The following USP7 variants were observed in gnomAD, a reference collection of about 807,000 sequenced individuals.
USP7 encodes the protein ubiquitin C-terminal hydrolase 7.
USP7 carries 9 observed loss-of-function variants against 162.9 expected under a neutral mutation model. The observed-to-expected ratio is 0.06, with a 90% CI of 0.03 to 0.10. The LOEUF is 0.10. USP7 is among the 10% of genes least tolerant of loss of function. USP7 has a pLI of 1.00. For synonymous variants in USP7, 562 were observed against 475.9 expected (o/e 1.18, Z -2.35); for missense variants, 715 against 1,373.7 (o/e 0.52, Z 7.58).
chr16:8,934,860 T>G (rs1898597150), intron 1 of USP7, among the ~76,000 whole-genome samples: 2 of 152,300 alleles, frequency 1.3e-5, no homozygotes, highest in South Asian at 4.1e-4. Context: ...CCAGCCCAGC[T>G]CCCAGGGGCA....
Position 8,963,136 on chromosome 16 carries a change from G to T in USP7, c.79+71C>A, listed in dbSNP as rs1900088688. 6.2e-6 allele frequency: 8 copies of T among 1,293,722 alleles called. No homozygotes were observed. The South Asian group carries it at 1.2e-4, about 20-fold the overall frequency. The allele number at this position is 1,293,722 out of a possible 1,614,324, so 80.1% of individuals were successfully genotyped here. On this transcript the variant is annotated intron_variant, in intron 1 of 30. Transcript: ENST00000344836. ...TTAAAGATGGCGAGCCCCTCGCGTG[G>T]CTCCCGCGGCTCCCCCGGCCACAAT...
chr16:8,944,069 G>T (rs1899173047), intron 1 of USP7, among the ~76,000 whole-genome samples: 1 of 152,130 alleles, frequency 6.6e-6, no homozygotes, highest in Admixed American at 6.6e-5. Context: ...AAACAAAAAA[G>T]GATGAACTGG....
chr16:8,944,986 T>A (rs1899213488), intron 1 of USP7, among the ~76,000 whole-genome samples: 1 of 152,160 alleles, frequency 6.6e-6, no homozygotes, highest in African/African-American at 2.4e-5. Flanking sequence ...GCGCAGTGGC[T>A]CACGCCTGTA....
intron 1 of USP7, among the ~76,000 whole-genome samples, chr16:8,946,277 AAC>A (rs1899272045): frequency 6.6e-6 from 1 of 152,168 alleles, no homozygotes; most frequent in Admixed American, 6.5e-5. Flanking sequence ...AAAAAAACAA[AAC>A]ACAACAACAA....
intron 13 of USP7, 64 bp downstream of exon 13, chr16:8,906,362 C>G (rs1414054184): frequency 1.3e-6 from 2 of 1,569,358 alleles, no homozygotes; most frequent in Non-Finnish European, 1.7e-6. Flanking sequence ...CCAGAACAGG[C>G]TGAAGCAGAG....
chr16:8,933,300 C>G (rs926459761), intron 1 of USP7, among the ~76,000 whole-genome samples: 13 of 152,192 alleles, frequency 8.5e-5, no homozygotes, highest in Admixed American at 1.3e-4. Flanking sequence ...AATCCCAGCA[C>G]TTGTGGGGGG....
rs1243540539 is a variant in USP7 at position 8,901,065 on chromosome 16, AAAG to A, written c.2141-11_2141-9del. 5 of 1,614,130 alleles carry A rather than the reference AAAG, an allele frequency of 3.1e-6. No homozygotes were observed. Among genetic ancestry groups the A allele is most frequent in the South Asian group, 1.1e-5 (1 of 91,088 alleles). On this transcript the variant is annotated splice_polypyrimidine_tract_variant and intron_variant, in intron 19 of 30. Transcript: ENST00000344836. The stretch of plus-strand genomic sequence containing the variant: ...TAACTGGGAGCAAGTCACCTAGGAG[AAAG>A]AAGATATTTTAAATGTGTAGCTGTA...
intron 1 of USP7, among the ~76,000 whole-genome samples, 175 bp from the exon 2 acceptor site, chr16:8,930,572 C>CA (rs1898263056): frequency 1.3e-5 from 2 of 152,216 alleles, no homozygotes; most frequent in African/African-American, 4.8e-5. Context: ...TACATACAAA[C>CA]TTTCGCTGTT....
chr16:8,900,841 A>G, intron 20 of USP7, 149 bp downstream of exon 20: 1 of 857,444 alleles, frequency 1.2e-6, no homozygotes, highest in Non-Finnish European at 1.8e-6. Context: ...AAAATTCACA[A>G]ATCTAAATAT....
At chr16:8,920,820 GC>G (rs1215663052) in intron 4 of USP7, among the ~76,000 whole-genome samples, 4 of 152,188 alleles carry the variant, frequency 2.6e-5, no homozygotes, top group Admixed American at 6.5e-5. Flanking sequence ...GCAAAAAGCA[GC>G]CAAAGTGAAC....
At chr16:8,899,923 A>T (rs1757581259) in intron 21 of USP7, 166 bp from the exon 22 acceptor site, 1 of 778,206 alleles carries the variant, frequency 1.3e-6, no homozygotes, top group Non-Finnish European at 2.1e-6. Flanking sequence ...CTCCCTCTGT[A>T]AGCGAGGCAA....
At chr16:8,894,429 A>G in intron 30 of USP7, 121 bp downstream of exon 30, 1 of 899,552 alleles carries the variant, frequency 1.1e-6, no homozygotes, top group Non-Finnish European at 1.7e-6. Flanking sequence ...CTGGTTCCAC[A>G]GGTCGGCCAG....
intron 12 of USP7, among the ~76,000 whole-genome samples, chr16:8,907,025 T>C (rs1263289581): frequency 6.6e-6 from 1 of 152,216 alleles, no homozygotes; most frequent in East Asian, 1.9e-4. Flanking sequence ...ACCATCAGTG[T>C]TGCAAAATTA....
chr16:8,913,160 A>G (rs866482487), intron 10 of USP7, among the ~76,000 whole-genome samples: 1 of 152,228 alleles, frequency 6.6e-6, no homozygotes, highest in Non-Finnish European at 1.5e-5. Context: ...ACTCGAGACC[A>G]GCCTGCCCAA....
intron 1 of USP7, among the ~76,000 whole-genome samples, chr16:8,932,516 T>G (rs1467805789): frequency 6.6e-6 from 1 of 152,178 alleles, no homozygotes; most frequent in Non-Finnish European, 1.5e-5. Context: ...GGAAAAGAAC[T>G]CAGATGTACA....
At chr16:8,935,315 T>G (rs146741185) in intron 1 of USP7, among the ~76,000 whole-genome samples, 2,196 of 152,032 alleles carry the variant, frequency 0.014, 23 homozygotes, top group Middle Eastern at 0.031. Context: ...GTTCAAGTGA[T>G]TCTCCCACCT....
At chr16:8,915,611 T>A in intron 8 of USP7, 86 bp from the exon 9 acceptor site, 1 of 1,197,362 alleles carries the variant, frequency 8.4e-7, no homozygotes, top group Non-Finnish European at 1.2e-6. Context: ...GAAATATCAA[T>A]GTTCAAAGAA....
intron 1 of USP7, among the ~76,000 whole-genome samples, chr16:8,945,624 A>T (rs1899242983): frequency 6.6e-6 from 1 of 152,196 alleles, no homozygotes; most frequent in Non-Finnish European, 1.5e-5. Flanking sequence ...CACAGTAAAG[A>T]TGTTCTCCCC....
At chr16:8,905,466 A>C (rs2061845240) in intron 13 of USP7, 135 bp from the exon 14 acceptor site, 27 of 1,068,298 alleles carry the variant, frequency 2.5e-5, no homozygotes, top group Non-Finnish European at 3.6e-5. Flanking sequence ...GTGTGTTCTT[A>C]TACAGGCACA....
Sources: gnomAD v4.1 joint callset for allele counts (sites outside exome capture counted in the v4.1 genomes callset) on GRCh38, gnomAD v4.1.1 for gene constraint, MANE v1.5 for transcripts, NCBI Gene and HGNC (gene_info 2026-07-23, HGNC 2026-07-21) for gene names.